Variants in RBFOX1 observed in about 807,000 individuals in gnomAD.
RBFOX1 encodes RNA binding fox-1 homolog 1, also known as RNA binding protein fox-1 homolog 1.
RBFOX1 carries 8 observed loss-of-function variants against 57.7 expected under a neutral mutation model. That is an observed-to-expected ratio of 0.14 (90% confidence interval 0.08 to 0.25). The LOEUF is 0.25. Ranked by LOEUF, RBFOX1 falls within the 10% of genes least tolerant of loss-of-function variation. The pLI is 1.00. For missense variants in RBFOX1, 611 were observed against 548.5 expected (o/e 1.11, Z -1.14); for synonymous variants, 326 against 222.4 (o/e 1.47, Z -4.15).
chr16:7,354,134 C>A (rs2097174410), intron 4 of RBFOX1, among the ~76,000 whole-genome samples: 1 of 151,932 alleles, frequency 6.6e-6, no homozygotes, highest in Non-Finnish European at 1.5e-5. Context: ...CCACGCCCAG[C>A]TAATTTTTGT....
chr16:6,243,431 G>A (rs1363320423), intron 1 of RBFOX1, among the ~76,000 whole-genome samples: 2 of 152,088 alleles, frequency 1.3e-5, no homozygotes, highest in East Asian at 1.9e-4. Flanking sequence ...TACAGTCATG[G>A]TGCTGCTGTT....
intron 2 of RBFOX1, among the ~76,000 whole-genome samples, chr16:6,354,029 C>T (rs542045739): frequency 1.4e-4 from 22 of 152,188 alleles, no homozygotes; most frequent in Non-Finnish European, 2.9e-4. Flanking sequence ...AGACCAGCCT[C>T]ACCAATATGG....
In RBFOX1 at chr16:6,740,571, A is replaced by G. The variant is rs112020987; in HGVS notation, c.-16+85921A>G. Among the ~76,000 whole-genome samples the G allele has an allele frequency of 6.0e-3, 907 of 152,350 alleles. 13 individuals carry two copies. The highest frequency in any genetic ancestry group is 0.02 in the African/African-American group (836 of 41,580). On this transcript the variant is annotated intron_variant, in intron 3 of 15. Transcript: ENST00000550418. Reference sequence around the variant, plus strand: ...ACAGGATATGAAATCACATTGCCAAAAACAGTTTCTAAATTTCTTACAGTA... The same window carrying G: ...ACAGGATATGAAATCACATTGCCAAGAACAGTTTCTAAATTTCTTACAGTA...
intron 4 of RBFOX1, among the ~76,000 whole-genome samples, chr16:7,246,633 CTTTTT>C (rs56654382): frequency 6.6e-5 from 7 of 105,496 alleles, no homozygotes; most frequent in Non-Finnish European, 5.3e-5. Flanking sequence ...TGGTCACCTC[CTTTTT>C]TTTTTTTTTT....
chr16:7,592,780 T>C (rs185882354), intron 7 of RBFOX1, among the ~76,000 whole-genome samples: 4 of 152,110 alleles, frequency 2.6e-5, no homozygotes, highest in Non-Finnish European at 4.4e-5. Context: ...TAGCCAAAAA[T>C]CTATAGATAT....
intron 3 of RBFOX1, among the ~76,000 whole-genome samples, chr16:5,759,133 T>C (rs2053500900): frequency 6.6e-6 from 1 of 152,166 alleles, no homozygotes; most frequent in African/African-American, 2.4e-5. Context: ...TTCCTTTTGA[T>C]GTTTATTTTT....
At chr16:7,699,238 T>G (rs1187590908) in intron 14 of RBFOX1, among the ~76,000 whole-genome samples, 1 of 150,914 alleles carries the variant, frequency 6.6e-6, no homozygotes, top group Non-Finnish European at 1.5e-5. Context: ...GGCTGGAGAG[T>G]TCAGTGCAAT....
Position 7,329,199 on chromosome 16 carries a change from G to A in RBFOX1, c.28-188948G>A, listed in dbSNP as rs139945310. On this transcript the variant is annotated intron_variant, in intron 4 of 15. Transcript: ENST00000550418. ...AAAACATTTACCATTCCCTGCCCGTGATGGGCAGAGCAGATGGCAATACAC... is the reference window on the plus strand; with the variant it reads ...AAAACATTTACCATTCCCTGCCCGTAATGGGCAGAGCAGATGGCAATACAC... Among the ~76,000 whole-genome samples the A allele has an allele frequency of 8.1e-4, 124 of 152,304 alleles. 1 individual carries two copies. In the East Asian group the frequency reaches 0.022, roughly 27 times the overall value.
chr16:7,332,304 C>T (rs1305587394), intron 4 of RBFOX1, among the ~76,000 whole-genome samples: 3 of 152,146 alleles, frequency 2.0e-5, no homozygotes, highest in East Asian at 1.9e-4. Context: ...AATTACATAA[C>T]ACGTGTAAAT....
At chr16:7,117,587 G>T (rs574214332) in intron 4 of RBFOX1, among the ~76,000 whole-genome samples, 4 of 152,150 alleles carry the variant, frequency 2.6e-5, no homozygotes, top group African/African-American at 9.7e-5. Context: ...TGAAAAATGG[G>T]AATAATTAAT....
intron 3 of RBFOX1, among the ~76,000 whole-genome samples, chr16:5,729,966 G>T (rs1023664150): frequency 6.6e-6 from 1 of 152,184 alleles, no homozygotes; most frequent in Admixed American, 6.5e-5. Context: ...TGCCTTTGGA[G>T]AACCACTGTG....
intron 4 of RBFOX1, among the ~76,000 whole-genome samples, chr16:7,224,187 C>T (rs553437208): frequency 2.9e-5 from 4 of 139,492 alleles, no homozygotes; most frequent in African/African-American, 1.1e-4. Flanking sequence ...TCAGCTCACT[C>T]AGTGCAATAC....
intron 2 of RBFOX1, among the ~76,000 whole-genome samples, chr16:6,620,716 A>G (rs1313693262): frequency 6.6e-6 from 1 of 152,228 alleles, no homozygotes; most frequent in African/African-American, 2.4e-5. Context: ...TCACAAGATT[A>G]TGAAACCCTC....
downstream of RBFOX1, among the ~76,000 whole-genome samples, chr16:5,604,175 A>G (rs1428056993): frequency 3.9e-5 from 6 of 152,124 alleles, no homozygotes; most frequent in Admixed American, 6.5e-5. Context: ...AAACCCCTGT[A>G]TTTTTCTGTA....
At chr16:5,381,212 G>A (rs1044280866) in intron 1 of RBFOX1, among the ~76,000 whole-genome samples, 1 of 152,220 alleles carries the variant, frequency 6.6e-6, no homozygotes, top group Admixed American at 6.5e-5. Context: ...GAGAGACTCA[G>A]TAAAAGGCAG....
intron 3 of RBFOX1, among the ~76,000 whole-genome samples, chr16:6,709,608 C>G (rs140093832): frequency 2.0e-5 from 3 of 152,246 alleles, no homozygotes; most frequent in African/African-American, 4.8e-5. Flanking sequence ...ACATGAATCT[C>G]CCATAAGATT....
At chr16:7,068,385 G>C (rs988577956) in intron 4 of RBFOX1, among the ~76,000 whole-genome samples, 1 of 152,252 alleles carries the variant, frequency 6.6e-6, no homozygotes, top group South Asian at 2.1e-4. Context: ...GAAAGTCAGA[G>C]ACCAGAGCAT....
chr16:7,104,685 A>C (rs746328397), intron 4 of RBFOX1, among the ~76,000 whole-genome samples: 7 of 152,134 alleles, frequency 4.6e-5, no homozygotes, highest in Non-Finnish European at 1.0e-4. Context: ...TTGGTTACAT[A>C]TTCATGGTCA....
At chr16:6,670,936 C>A (rs1316582730) in intron 3 of RBFOX1, among the ~76,000 whole-genome samples, 2 of 152,046 alleles carry the variant, frequency 1.3e-5, no homozygotes, top group African/African-American at 2.4e-5. Context: ...GGAGGCGGAG[C>A]TTGCAGCGAG....
Sources: allele counts gnomAD v4.1 joint callset (sites outside exome capture counted in the v4.1 genomes callset), GRCh38; gene constraint gnomAD v4.1.1; transcripts MANE v1.5; gene names NCBI Gene and HGNC (gene_info 2026-07-23, HGNC 2026-07-21).